The following LPGAT1 variants were observed in gnomAD, a reference collection of about 807,000 sequenced individuals.
The protein encoded by LPGAT1 is lysophosphatidylglycerol acyltransferase 1.
In LPGAT1, 11 loss-of-function variants were observed where a neutral mutation model predicts 47.5. The observed-to-expected ratio is 0.23, with a 90% confidence interval of 0.15 to 0.38. The LOEUF is 0.38. Ranked by LOEUF, LPGAT1 falls within the 10% of genes least tolerant of loss-of-function variation. The pLI is 1.00. For missense variants in LPGAT1, 293 were observed against 439.0 expected (o/e 0.67, Z 2.97); for synonymous variants, 138 against 144.2 (o/e 0.96, Z 0.31).
intron 2 of LPGAT1, among the ~76,000 whole-genome samples, chr1:211,798,563 G>C (rs1659442450): frequency 6.6e-6 from 1 of 152,018 alleles, no homozygotes; most frequent in South Asian, 2.1e-4. Flanking sequence ...ATGTACCTGT[G>C]GTCCTAGCTA....
intron 2 of LPGAT1, among the ~76,000 whole-genome samples, chr1:211,815,753 C>G (rs1325751510): frequency 2.0e-5 from 3 of 150,142 alleles, no homozygotes; most frequent in African/African-American, 4.9e-5. Flanking sequence ...CTTTGTTCCT[C>G]AAACATGACA....
chr1:211,809,766 C>G (rs1473814916), intron 2 of LPGAT1, among the ~76,000 whole-genome samples: 1 of 152,174 alleles, frequency 6.6e-6, no homozygotes, highest in Non-Finnish European at 1.5e-5. Context: ...ACCTCCCCAG[C>G]CATGTGGAAC....
chr1:211,816,474 T>C (rs1251613146), intron 2 of LPGAT1, among the ~76,000 whole-genome samples: 1 of 152,230 alleles, frequency 6.6e-6, no homozygotes, highest in Non-Finnish European at 1.5e-5. Flanking sequence ...AATTAGTTAA[T>C]ATTTTATTCA....
chr1:211,774,997 A>G (rs567104073), intron 6 of LPGAT1, among the ~76,000 whole-genome samples: 2 of 152,240 alleles, frequency 1.3e-5, no homozygotes, highest in African/African-American at 4.8e-5. Context: ...TTAACACAGT[A>G]TGAAGGGAGT....
chr1:211,789,815 G>A (rs1194327067), intron 3 of LPGAT1, among the ~76,000 whole-genome samples: 1 of 148,668 alleles, frequency 6.7e-6, no homozygotes, highest in Non-Finnish European at 1.5e-5. Context: ...AGGTTGCAGT[G>A]AGCTGAAATG....
At chr1:211,790,695 T>A (rs944673172) in intron 3 of LPGAT1, among the ~76,000 whole-genome samples, 1 of 152,190 alleles carries the variant, frequency 6.6e-6, no homozygotes, top group Non-Finnish European at 1.5e-5. Context: ...GAACCTAGCC[T>A]AACTAACTTA....
intron 5 of LPGAT1, among the ~76,000 whole-genome samples, chr1:211,782,780 C>G (rs1342395036): frequency 2.6e-5 from 4 of 151,882 alleles, no homozygotes; most frequent in African/African-American, 9.7e-5. Context: ...CAAGAAAAAC[C>G]CCAGAAAACC....
intron 3 of LPGAT1, among the ~76,000 whole-genome samples, chr1:211,789,699 G>A (rs1444173073): frequency 2.0e-5 from 3 of 151,856 alleles, no homozygotes; most frequent in African/African-American, 4.8e-5. Context: ...GGTCAACCTC[G>A]TCTCTACTAA....
chr1:211,763,044 G>A lies in LPGAT1; in HGVS notation c.855-11977C>T, dbSNP rs114322109. Among the ~76,000 whole-genome samples the A allele has an allele frequency of 5.6e-3, 858 of 152,298 alleles. 6 individuals carry two copies. The highest frequency in any genetic ancestry group is 0.02 in the African/African-American group (826 of 41,560). ...CCAGAATATGATAAATATTGTGTGA[G>A]GATTTTAGAGAACTACTGCGTGAGT... On this transcript the variant is annotated intron_variant, in intron 6 of 7. Transcript: ENST00000366997.
rs541243239 is a variant in LPGAT1 at position 211,751,858 on chromosome 1, T to C, written c.855-791A>G. Among the ~76,000 whole-genome samples, 103 of 152,324 alleles carry C rather than the reference T, an allele frequency of 6.8e-4. 1 individual carries two copies. Among genetic ancestry groups the C allele is most frequent in the African/African-American group, 2.5e-3 (102 of 41,578 alleles). Reference sequence around the variant, plus strand: ...GGGAGTCCTGTCCCTCTTCCCTTCATTTCTGCCCTCCCCAGAATTGATTAT... The same window carrying C: ...GGGAGTCCTGTCCCTCTTCCCTTCACTTCTGCCCTCCCCAGAATTGATTAT... On this transcript the variant is annotated intron_variant, in intron 6 of 7. Transcript: ENST00000366997.
At chr1:211,773,379 C>A (rs961297089) in intron 6 of LPGAT1, among the ~76,000 whole-genome samples, 7 of 152,090 alleles carry the variant, frequency 4.6e-5, no homozygotes, top group Admixed American at 6.5e-5. Flanking sequence ...ATTAATATTT[C>A]TTTTCCAAAT....
chr1:211,768,670 T>G (rs1433446234), intron 6 of LPGAT1, among the ~76,000 whole-genome samples: 2 of 152,210 alleles, frequency 1.3e-5, no homozygotes, highest in African/African-American at 4.8e-5. Flanking sequence ...AATTCTGGTA[T>G]CTATGGTGTG....
chr1:211,805,347 C>T (rs1659714868), intron 2 of LPGAT1, among the ~76,000 whole-genome samples: 1 of 152,080 alleles, frequency 6.6e-6, no homozygotes, highest in Non-Finnish European at 1.5e-5. Flanking sequence ...AACACAAAGC[C>T]TATTTTATAA....
At chr1:211,815,187 A>G (rs1660126716) in intron 2 of LPGAT1, among the ~76,000 whole-genome samples, 1 of 152,172 alleles carries the variant, frequency 6.6e-6, no homozygotes. Flanking sequence ...CAGACTGCAC[A>G]TCCATGTCAA....
At chr1:211,799,252 G>A (rs1659472795) in intron 2 of LPGAT1, among the ~76,000 whole-genome samples, 1 of 151,886 alleles carries the variant, frequency 6.6e-6, no homozygotes, top group Non-Finnish European at 1.5e-5. Context: ...AATAATAGTA[G>A]CAGATATTAT....
chr1:211,766,585 A>C (rs1657925848), intron 6 of LPGAT1, among the ~76,000 whole-genome samples: 3 of 152,222 alleles, frequency 2.0e-5, no homozygotes, highest in Admixed American at 6.5e-5. Flanking sequence ...CATTTTGTAG[A>C]GATGATGGGA....
Position 211,830,088 on chromosome 1 carries a change from G to A in LPGAT1, c.-28+485C>T, listed in dbSNP as rs1426507210. 1.0e-6 allele frequency: 1 copy of A among 984,908 alleles called. No individual in the cohort carries two copies. Among genetic ancestry groups the A allele is most frequent in the Non-Finnish European group, 1.2e-6 (1 of 829,846 alleles). 61.0% of individuals were successfully genotyped at this position (984,908 alleles called of 1,614,324 possible). A position where few individuals can be genotyped will look rare whatever the true frequency, so the allele number is the denominator to read the frequency against. ...GGGATGATGAAAGGGGCAGAGAAGAGGCGACCGCAGCGCGGGGAGCCGGTG... is the reference window on the plus strand; with the variant it reads ...GGGATGATGAAAGGGGCAGAGAAGAAGCGACCGCAGCGCGGGGAGCCGGTG... On this transcript the variant is annotated intron_variant, in intron 1 of 7. Coordinates refer to ENST00000366997, the MANE Select transcript of LPGAT1 (RefSeq NM_014873.3). The surrounding 1 kb of genome is among the most constrained non-coding windows in gnomAD (Gnocchi z 5.9).
At chr1:211,793,942 A>G (rs1334023886) in intron 2 of LPGAT1, among the ~76,000 whole-genome samples, 2 of 152,248 alleles carry the variant, frequency 1.3e-5, no homozygotes, top group African/African-American at 4.8e-5. Context: ...CCCAAAAAAG[A>G]TGTATTATCA....
At chr1:211,786,416 T>A (rs1224328260) in intron 4 of LPGAT1, among the ~76,000 whole-genome samples, 1 of 152,258 alleles carries the variant, frequency 6.6e-6, no homozygotes, top group African/African-American at 2.4e-5. Flanking sequence ...CAATCCAGGT[T>A]GTTAAATATG....
Sources: allele counts gnomAD v4.1 joint callset (sites outside exome capture counted in the v4.1 genomes callset), GRCh38; gene constraint gnomAD v4.1.1; non-coding constraint Gnocchi (gnomAD v3.1); transcripts MANE v1.5; gene names NCBI Gene and HGNC (gene_info 2026-07-23, HGNC 2026-07-21).